Variants in ARHGAP20 observed in about 807,000 individuals in gnomAD.
ARHGAP20 encodes rho GTPase-activating protein 20.
ARHGAP20 carries 34 observed loss-of-function variants against 73.7 expected under a neutral mutation model. The observed-to-expected ratio is 0.46, with a 90% CI of 0.35 to 0.61. The LOEUF is 0.61. ARHGAP20 is among the 20% of genes least tolerant of loss of function. The pLI is 0.00. For missense variants in ARHGAP20, 1,314 were observed against 1,420.9 expected (o/e 0.92, Z 1.21); for synonymous variants, 523 against 518.2 (o/e 1.01, Z -0.13).
chr11:110,582,231 T>C (rs999533339), intron 14 of ARHGAP20, 90 bp downstream of exon 14: 3 of 1,064,682 alleles, frequency 2.8e-6, no homozygotes, highest in African/African-American at 3.1e-5. Flanking sequence ...CTTCAGCTGC[T>C]GTGGGCTCCA....
intron 7 of ARHGAP20, among the ~76,000 whole-genome samples, chr11:110,609,442 G>T (rs1948316128): frequency 6.6e-6 from 1 of 152,138 alleles, no homozygotes; most frequent in Admixed American, 6.5e-5. Context: ...CTCAAAGGCT[G>T]ATTATTAGCT....
At chr11:110,711,005 C>CAAAAAAAAAAAAAAA (rs11461759) in intron 1 of ARHGAP20, among the ~76,000 whole-genome samples, 1 of 82,558 alleles carries the variant, frequency 1.2e-5, no homozygotes. Flanking sequence ...TAAGACAAGG[C>CAAAAAAAAAAAAAAA]AAAAAAAAAA....
intron 2 of ARHGAP20, among the ~76,000 whole-genome samples, chr11:110,648,228 TATATATATGTAA>T (rs1369648789): frequency 7.3e-5 from 6 of 81,814 alleles, no homozygotes; most frequent in Middle Eastern, 6.5e-3. Flanking sequence ...TATGTATATA[TATATATATGTAA>T]ATATATATAT....
At position 110,712,119 on chromosome 11, in the gene ARHGAP20, G is replaced by T. The variant is rs889506293; in HGVS notation, c.105+8C>A. 2.2e-6 allele frequency: 3 copies of T among 1,337,274 alleles called. No individual in the cohort carries two copies. The highest frequency in any genetic ancestry group is 9.6e-7 in the Non-Finnish European group (1 of 1,040,412). The allele number at this position is 1,337,274 out of a possible 1,614,324, so 82.8% of individuals were successfully genotyped here. ...CGGAGGGCACGGGCCCCCGCTCAGC[G>T]TCCTCACCTTCTTGGTGCAGCTGCC... On this transcript the variant is annotated splice_region_variant and intron_variant, in intron 1 of 14. Transcript: ENST00000683387.
At chr11:110,630,376 C>T (rs1176686234) in intron 3 of ARHGAP20, among the ~76,000 whole-genome samples, 3 of 152,086 alleles carry the variant, frequency 2.0e-5, no homozygotes, top group East Asian at 1.9e-4. Flanking sequence ...GAGCAGGGAC[C>T]GTACCCATCA....
Position 110,712,371 on chromosome 11 carries a change from C to T in ARHGAP20, c.-140G>A. 1.8e-6 allele frequency: 1 copy of T among 551,150 alleles called. No individual in the cohort carries two copies. The highest frequency in any genetic ancestry group is 4.7e-5 in the Admixed American group (1 of 21,478). The allele number at this position is 551,150 out of a possible 1,614,324, so 34.1% of individuals were successfully genotyped here. ...CAGGGAGCCGAGCTCCGGGTGCTCG[C>T]CGCGCGCCTCCCGTCGGGGCCATGT... On this transcript the variant is annotated 5_prime_UTR_variant, in exon 1 of 15. Coordinates refer to ENST00000683387, the MANE Select transcript of ARHGAP20 (RefSeq NM_001384657.1).
intron 8 of ARHGAP20, 23 bp from the exon 9 acceptor site, chr11:110,606,772 G>T: frequency 6.6e-7 from 1 of 1,504,464 alleles, no homozygotes. Flanking sequence ...AAATCTAAAT[G>T]TAGACTTCAG....
intron 2 of ARHGAP20, among the ~76,000 whole-genome samples, chr11:110,651,747 C>CAAA (rs71476092): frequency 4.4e-5 from 6 of 136,178 alleles, no homozygotes; most frequent in African/African-American, 1.3e-4. Context: ...GCCTACCAAC[C>CAAA]AAAAAAAAAA....
chr11:110,628,699 GAT>G (rs1381064022), intron 3 of ARHGAP20, among the ~76,000 whole-genome samples: 1 of 152,072 alleles, frequency 6.6e-6, no homozygotes, highest in African/African-American at 2.4e-5. Context: ...TAAATCAATT[GAT>G]AGAATTTTTT....
chr11:110,693,128 TTGTATAATAGTGAATAGAA>T (rs1448511853), intron 1 of ARHGAP20, among the ~76,000 whole-genome samples: 1 of 151,996 alleles, frequency 6.6e-6, no homozygotes. Context: ...AGAAGATCAT[TTGTATAATAGTGAATAGAA>T]TGTATTTTCT....
chr11:110,628,841 T>C (rs945638068), intron 3 of ARHGAP20, among the ~76,000 whole-genome samples: 2 of 152,154 alleles, frequency 1.3e-5, no homozygotes, highest in African/African-American at 2.4e-5. Flanking sequence ...AGACAATGGG[T>C]ACACATTTTG....
rs150601070 is a variant in ARHGAP20 at position 110,616,783 on chromosome 11, G to T, written c.504-1189C>A. On this transcript the variant is annotated intron_variant, in intron 4 of 14. Transcript: ENST00000683387. ...CTCTTTTCTAAAATAGATTTTCTAG[G>T]TTCACTTATGTCAAATCTTGGATTT... Among the ~76,000 whole-genome samples, 1,184 of 149,552 alleles carry T rather than the reference G, an allele frequency of 7.9e-3. 17 individuals carry two copies. The highest frequency in any genetic ancestry group is 7.4e-3 in the Non-Finnish European group (501 of 67,588).
At chr11:110,641,505 T>C (rs1565453924) in intron 2 of ARHGAP20, among the ~76,000 whole-genome samples, 1 of 152,062 alleles carries the variant, frequency 6.6e-6, no homozygotes, top group Non-Finnish European at 1.5e-5. Context: ...ATGAATTATA[T>C]ATAGTGATGC....
At position 110,580,443 on chromosome 11, in the gene ARHGAP20, C is replaced by G; in HGVS notation, c.2503G>C (p.Ala835Pro). 6.2e-7 allele frequency: 1 copy of G among 1,614,116 alleles called. No individual in the cohort carries two copies. The highest frequency in any genetic ancestry group is 8.5e-7 in the Non-Finnish European group (1 of 1,180,022). The part of the protein sequence containing the change: ...SGYSPPHTAD[A>P]LKGPRTHRRC... ...CGATGTGTCCTTGGACCCTTGAGGGCATCTGCTGTGTGTGGTGGGGAGTAT... is the reference window on the plus strand; with the variant it reads ...CGATGTGTCCTTGGACCCTTGAGGGGATCTGCTGTGTGTGGTGGGGAGTAT... The change falls in exon 15 of 15, where the codon GCC becomes CCC. Residue 835 changes from alanine to proline, a missense_variant. This residue lies in a region of ARHGAP20 where 641 missense variants were observed against 636.9 expected (regional missense o/e 1.01). Transcript: ENST00000683387.
chr11:110,590,001 A>T (rs1446117490), intron 11 of ARHGAP20, among the ~76,000 whole-genome samples: 1 of 151,926 alleles, frequency 6.6e-6, no homozygotes, highest in Non-Finnish European at 1.5e-5. Context: ...CAGGCTTGTA[A>T]TCCCAGCTAC....
intron 11 of ARHGAP20, among the ~76,000 whole-genome samples, chr11:110,590,366 A>C (rs909015972): frequency 3.3e-5 from 5 of 152,164 alleles, no homozygotes; most frequent in African/African-American, 9.6e-5. Context: ...TTTTAAACTT[A>C]CAATTTTTAT....
intron 2 of ARHGAP20, among the ~76,000 whole-genome samples, chr11:110,685,429 T>C (rs535488267): frequency 1.3e-5 from 2 of 152,164 alleles, no homozygotes; most frequent in South Asian, 2.1e-4. Context: ...AAGATGTCTG[T>C]CACATTTCCT....
Position 110,578,147 on chromosome 11 carries a change from A to G in ARHGAP20, c.*1223T>C. The G allele has an allele frequency of 5.1e-6, 5 of 985,474 alleles. No individual in the cohort carries two copies. Among genetic ancestry groups the G allele is most frequent in the Non-Finnish European group, 6.0e-6 (5 of 829,960 alleles). The allele number at this position is 985,474 out of a possible 1,614,324, so 61.0% of individuals were successfully genotyped here. ...GCTGCAACCTTTAAGTCAAGAAAGC[A>G]GAGAAAGAAAGGTCCATGGATATAA... is the stretch of plus-strand genomic sequence containing the variant. On this transcript the variant is annotated 3_prime_UTR_variant, in exon 15 of 15. Coordinates refer to ENST00000683387, the MANE Select transcript of ARHGAP20 (RefSeq NM_001384657.1).
chr11:110,605,961 G>A (rs1542251), intron 9 of ARHGAP20, among the ~76,000 whole-genome samples: 24,316 of 152,164 alleles, frequency 0.16, 2,461 homozygotes, highest in East Asian at 0.31. Flanking sequence ...TTCAGACAGA[G>A]CTTAAAGCTC....
Sources: gnomAD v4.1 joint callset for allele counts (sites outside exome capture counted in the v4.1 genomes callset) on GRCh38, gnomAD v4.1.1 for gene constraint, gnomAD v4.1.1 regional missense constraint, MANE v1.5 for transcripts, NCBI Gene and HGNC (gene_info 2026-07-23, HGNC 2026-07-21) for gene names.